The following CSMD1 variants were observed in gnomAD, a reference collection of about 807,000 sequenced individuals.
The protein encoded by CSMD1 is CUB and Sushi multiple domains 1, also known as CUB and sushi domain-containing protein 1.
Under a neutral mutation model 417.5 loss-of-function variants are expected in CSMD1, and 213 were observed. The observed-to-expected ratio is 0.51, with a 90% CI of 0.46 to 0.57. The LOEUF is 0.57. CSMD1 is among the 20% of genes least tolerant of loss of function. CSMD1 has a pLI of 0.00. For missense variants in CSMD1, 6,923 were observed against 4,529.7 expected (o/e 1.53, Z -15.17); for synonymous variants, 2,862 against 1,736.8 (o/e 1.65, Z -16.11).
intron 1 of CSMD1, chr8:4,788,192 A>G: frequency 1.3e-6 from 2 of 1,595,524 alleles, no homozygotes; most frequent in East Asian, 2.2e-5. Flanking sequence ...TTGGCATTCC[A>G]TGTGAACTTT....
chr8:4,234,014 T>C (rs1801896383), intron 3 of CSMD1, among the ~76,000 whole-genome samples: 1 of 152,226 alleles, frequency 6.6e-6, no homozygotes, highest in African/African-American at 2.4e-5. Context: ...TGAGAGGTTC[T>C]GGCATCTGGT....
At chr8:3,342,313 G>C (rs11786046) in intron 23 of CSMD1, among the ~76,000 whole-genome samples, 43,431 of 151,916 alleles carry the variant, frequency 0.29, 6,638 homozygotes, top group Middle Eastern at 0.41. Flanking sequence ...ATTATCTTTT[G>C]CAGGACCTTT....
rs561328404 is a variant in CSMD1, at chr8:3,616,715, G to C, written c.1092C>G (p.Asp364Glu). ...ACCACTATTGTATCTCTTACCTGAA[G>C]TCGGAACCTGCTCTTCTACCATTTT... ...IPENGRRAGSDFRVGANVQFS... is the reference protein window; with the variant it reads ...IPENGRRAGSEFRVGANVQFS... The change falls in exon 8 of 70, where the codon GAC (aspartate) becomes GAG (glutamate). Residue 364 changes from aspartate to glutamate, a missense_variant. Coordinates refer to ENST00000635120, the MANE Select transcript of CSMD1 (RefSeq NM_033225.6). The C allele has an allele frequency of 6.2e-7, 1 of 1,605,742 alleles. No homozygotes were observed. Among genetic ancestry groups the C allele is most frequent in the Non-Finnish European group, 8.5e-7 (1 of 1,173,054 alleles).
intron 1 of CSMD1, among the ~76,000 whole-genome samples, chr8:4,747,151 T>C (rs1811012120): frequency 6.6e-6 from 1 of 152,110 alleles, no homozygotes; most frequent in African/African-American, 2.4e-5. Flanking sequence ...ATTTGGCCAA[T>C]CTTTACTTAT....
chr8:3,623,201 A>T (rs1190127152), intron 7 of CSMD1, among the ~76,000 whole-genome samples: 1 of 152,372 alleles, frequency 6.6e-6, no homozygotes, highest in South Asian at 2.1e-4. Flanking sequence ...TATATTTTCA[A>T]TGACTTTTTC....
chr8:3,029,206 T>C, intron 51 of CSMD1, 113 bp downstream of exon 51: 1 of 734,624 alleles, frequency 1.4e-6, no homozygotes, highest in Non-Finnish European at 2.1e-6. Context: ...GTTCTTTTGA[T>C]CTATAGGACT....
intron 7 of CSMD1, among the ~76,000 whole-genome samples, chr8:3,671,554 TATGATC>T (rs1359691240): frequency 0.042 from 535 of 12,884 alleles, 89 homozygotes; most frequent in South Asian, 0.083. Context: ...TGATCATATA[TATGATC>T]ATATATATAT....
chr8:3,733,716 C>T lies in CSMD1; in HGVS notation c.931+20214G>A, dbSNP rs546500720. Among the ~76,000 whole-genome samples the T allele has an allele frequency of 1.2e-4, 18 of 152,204 alleles. No individual in the cohort carries two copies. In the East Asian group the frequency reaches 2.3e-3, roughly 20 times the overall value. On this transcript the variant is annotated intron_variant, in intron 6 of 69. Coordinates refer to ENST00000635120, the MANE Select transcript of CSMD1 (RefSeq NM_033225.6). ...GTGCCCATCTCAGGGACTGGATGGA[C>T]GCCCATGGGGTTGTGGTGTCTGTGT...
chr8:3,384,725 T>A lies in CSMD1; in HGVS notation c.2782+2769A>T, dbSNP rs371892101. 8.1e-4 allele frequency among the ~76,000 whole-genome samples: 60 copies of A among 74,326 alleles called. 1 individual carries two copies. Among genetic ancestry groups the A allele is most frequent in the African/African-American group, 3.0e-3 (51 of 16,890 alleles). The allele number at this position is 74,326 out of a possible 152,430, so 48.8% of individuals were successfully genotyped here. On this transcript the variant is annotated intron_variant, in intron 18 of 69. Transcript: ENST00000635120. The stretch of plus-strand genomic sequence containing the variant: ...TTATATATAAATATATTTATAATAT[T>A]TATATATATTATATAAATATATATT...
rs1450920366 is a variant in CSMD1 at position 2,937,354 on chromosome 8, G to C, written c.*1231C>G. ...AAAGAACACTTGGTATTTTGATCCT[G>C]AACAATTTTCACTGAGTTCAAGGTG... On this transcript the variant is annotated 3_prime_UTR_variant, in exon 70 of 70. Transcript: ENST00000635120. 1 of 147,866 alleles carries C rather than the reference G, an allele frequency of 6.8e-6. No individual in the cohort carries two copies. Among genetic ancestry groups the C allele is most frequent in the Non-Finnish European group, 1.5e-5 (1 of 67,408 alleles). The allele number at this position is 147,866 out of a possible 1,614,324, so 9.2% of individuals were successfully genotyped here. A position where few individuals can be genotyped will look rare whatever the true frequency, so the allele number is the denominator to read the frequency against.
intron 10 of CSMD1, among the ~76,000 whole-genome samples, chr8:3,548,646 T>A (rs1480269719): frequency 1.4e-5 from 2 of 143,750 alleles, no homozygotes; most frequent in Non-Finnish European, 3.0e-5. Flanking sequence ...CACGGCTGAG[T>A]GGTATTCCAT....
intron 25 of CSMD1, among the ~76,000 whole-genome samples, chr8:3,287,400 C>T (rs535624174): frequency 6.6e-6 from 1 of 152,066 alleles, no homozygotes; most frequent in Non-Finnish European, 1.5e-5. Context: ...GGCAGTATGG[C>T]CATTTTCACA....
chr8:4,007,516 A>G (rs980112160), intron 4 of CSMD1, among the ~76,000 whole-genome samples: 1 of 150,618 alleles, frequency 6.6e-6, no homozygotes, highest in Non-Finnish European at 1.5e-5. Flanking sequence ...CCATATTTAA[A>G]CTAGCACTCA....
At chr8:3,271,624 A>T (rs1326000369) in intron 26 of CSMD1, among the ~76,000 whole-genome samples, 1 of 152,166 alleles carries the variant, frequency 6.6e-6, no homozygotes, top group Non-Finnish European at 1.5e-5. Flanking sequence ...TGCCATTCCA[A>T]CTGGTGTGAG....
intron 1 of CSMD1, among the ~76,000 whole-genome samples, chr8:4,754,157 T>C (rs1448716092): frequency 2.0e-5 from 3 of 152,314 alleles, no homozygotes; most frequent in South Asian, 2.1e-4. Flanking sequence ...ACACTTCTGA[T>C]TGAGCAAAGC....
At chr8:3,818,163 C>T (rs1801503574) in intron 5 of CSMD1, among the ~76,000 whole-genome samples, 2 of 151,972 alleles carry the variant, frequency 1.3e-5, no homozygotes, top group South Asian at 4.2e-4. Flanking sequence ...TCCTCTGACA[C>T]TCATAGGATG....
chr8:3,773,424 C>A (rs562299033), intron 5 of CSMD1, among the ~76,000 whole-genome samples: 1 of 152,110 alleles, frequency 6.6e-6, no homozygotes, highest in African/African-American at 2.4e-5. Flanking sequence ...GTAGCTGGGA[C>A]GACAGTCATG....
At chr8:4,210,649 G>GA (rs555710728) in intron 3 of CSMD1, among the ~76,000 whole-genome samples, 199 of 149,394 alleles carry the variant, frequency 1.3e-3, no homozygotes, top group African/African-American at 3.4e-3. Flanking sequence ...AATTAGCCAA[G>GA]AAAAAAAAAC....
Position 3,777,445 on chromosome 8 carries a change from C to T in CSMD1, c.819-23403G>A, listed in dbSNP as rs113722678. 3.1e-3 allele frequency among the ~76,000 whole-genome samples: 476 copies of T among 152,274 alleles called. 7 individuals are homozygous for T. The highest frequency in any genetic ancestry group is 0.011 in the African/African-American group (461 of 41,558). On this transcript the variant is annotated intron_variant, in intron 5 of 69. Transcript: ENST00000635120. Reference sequence around the variant, plus strand: ...ATCCTGTCAGGCCTCAGGCAGGCTTCAAAGGGAGCAGTGCTCATTCTGGTG... The same window carrying T: ...ATCCTGTCAGGCCTCAGGCAGGCTTTAAAGGGAGCAGTGCTCATTCTGGTG...
Sources: gnomAD v4.1 joint callset for allele counts (sites outside exome capture counted in the v4.1 genomes callset) on GRCh38, gnomAD v4.1.1 for gene constraint, MANE v1.5 for transcripts, NCBI Gene and HGNC (gene_info 2026-07-23, HGNC 2026-07-21) for gene names.